Variants in ACYP2 observed in about 807,000 individuals in gnomAD.
ACYP2 encodes the protein acylphosphatase-2.
In ACYP2, 12 loss-of-function variants were observed where a neutral mutation model predicts 11.2. The ratio of observed to expected loss-of-function variants is 1.08; its 90% CI spans 0.69 to 1.74. ACYP2 has a LOEUF of 1.74. ACYP2 is among the 40% of genes most tolerant of loss of function. ACYP2 has a pLI of 0.00. For synonymous variants in ACYP2, 43 were observed against 32.2 expected, an observed-to-expected ratio of 1.33 and a Z score of -1.13; for missense variants, 134 against 101.9, an observed-to-expected ratio of 1.31 and a Z score of -1.35.
At chr2:54,051,132 C>T (rs565925135) in intron 3 of ACYP2, 2 of 676,766 alleles carry the variant, frequency 3.0e-6, no homozygotes, top group African/African-American at 3.6e-5. Context: ...CACTGAACTC[C>T]ATAGAGACAG....
At chr2:54,240,467 T>C (rs1310410207) in intron 6 of ACYP2, among the ~76,000 whole-genome samples, 1 of 152,182 alleles carries the variant, frequency 6.6e-6, no homozygotes, top group African/African-American at 2.4e-5. Flanking sequence ...TTCTCTACTT[T>C]AGAGGTGTTT....
intron 6 of ACYP2, among the ~76,000 whole-genome samples, chr2:54,257,971 A>G (rs1258026913): frequency 6.6e-6 from 1 of 152,222 alleles, no homozygotes; most frequent in Non-Finnish European, 1.5e-5. Context: ...CACATAATCC[A>G]TTTTTATATT....
intron 6 of ACYP2, among the ~76,000 whole-genome samples, chr2:54,243,609 C>T (rs1029148410): frequency 6.6e-6 from 1 of 152,124 alleles, no homozygotes; most frequent in Non-Finnish European, 1.5e-5. Context: ...ATTCTCCTGC[C>T]TCAGCCTCCT....
intron 6 of ACYP2, among the ~76,000 whole-genome samples, chr2:54,284,623 T>C (rs1175735838): frequency 6.6e-6 from 1 of 152,108 alleles, no homozygotes; most frequent in Non-Finnish European, 1.5e-5. Flanking sequence ...GGCACACAAA[T>C]ATGCTCTTGT....
At chr2:54,207,814 C>T (rs193017470) in intron 6 of ACYP2, among the ~76,000 whole-genome samples, 47 of 152,270 alleles carry the variant, frequency 3.1e-4, no homozygotes, top group African/African-American at 1.0e-3. Flanking sequence ...AGTCGGTCTT[C>T]TGCAATGGTA....
rs139455350 is a variant in ACYP2, at chr2:54,074,783, T to C, written c.277+17423T>C. 2.8e-3 allele frequency among the ~76,000 whole-genome samples: 425 copies of C among 152,326 alleles called. 1 individual carries two copies. Among genetic ancestry groups the C allele is most frequent in the Admixed American group, 6.8e-3 (104 of 15,296 alleles). ...GGCTAGAGATGCAGGGATGAGTCAA[T>C]GTTGCACTTGCGGTCTAAAGGCTGC... On this transcript the variant is annotated intron_variant, in intron 4 of 6. Coordinates refer to ENST00000607452, the MANE Select transcript of ACYP2 (RefSeq NM_001320586.2).
At chr2:54,038,173 G>A (rs1675011319) in intron 2 of ACYP2, among the ~76,000 whole-genome samples, 2 of 152,124 alleles carry the variant, frequency 1.3e-5, no homozygotes, top group Non-Finnish European at 1.5e-5. Flanking sequence ...ACCTCTGAGC[G>A]TCCTGATTCA....
At chr2:54,178,499 A>C (rs965876624) in intron 6 of ACYP2, among the ~76,000 whole-genome samples, 3 of 152,220 alleles carry the variant, frequency 2.0e-5, no homozygotes, top group African/African-American at 4.8e-5. Context: ...GCTATGCCCC[A>C]ATCCCACCAC....
chr2:54,277,029 A>G (rs566129384), intron 6 of ACYP2, among the ~76,000 whole-genome samples: 2 of 152,328 alleles, frequency 1.3e-5, no homozygotes, highest in African/African-American at 4.8e-5. Flanking sequence ...AAAAAATCCT[A>G]ATTATTAGAC....
chr2:54,276,869 C>T (rs888755385), intron 6 of ACYP2, among the ~76,000 whole-genome samples: 2 of 152,146 alleles, frequency 1.3e-5, no homozygotes, highest in Non-Finnish European at 2.9e-5. Flanking sequence ...ATGTTATTTT[C>T]TCACAAAAGT....
At chr2:54,175,833 C>A (rs750084163) in intron 6 of ACYP2, among the ~76,000 whole-genome samples, 1 of 152,144 alleles carries the variant, frequency 6.6e-6, no homozygotes, top group African/African-American at 2.4e-5. Flanking sequence ...ATGTTTGTAT[C>A]CCTCCAAAAT....
intron 6 of ACYP2, among the ~76,000 whole-genome samples, chr2:54,179,346 T>C (rs945004351): frequency 2.6e-5 from 4 of 152,198 alleles, no homozygotes; most frequent in African/African-American, 9.6e-5. Context: ...TCTGACACTA[T>C]CTACTTGGAG....
chr2:54,267,864 G>T (rs1019916638), intron 6 of ACYP2, among the ~76,000 whole-genome samples: 2 of 152,186 alleles, frequency 1.3e-5, no homozygotes, highest in South Asian at 4.1e-4. Flanking sequence ...ATCGGCTCTT[G>T]TTTCAGAATC....
intron 6 of ACYP2, among the ~76,000 whole-genome samples, chr2:54,189,002 T>C (rs773545483): frequency 9.2e-5 from 14 of 152,234 alleles, no homozygotes; most frequent in Non-Finnish European, 1.5e-4. Flanking sequence ...ATCATTCCCA[T>C]TGGCAAACAA....
intron 4 of ACYP2, among the ~76,000 whole-genome samples, chr2:54,112,199 T>C (rs1163329711): frequency 6.6e-6 from 1 of 152,214 alleles, no homozygotes; most frequent in African/African-American, 2.4e-5. Context: ...TGATCCTAGA[T>C]CACAAACCAA....
chr2:54,176,323 G>T (rs768734866), intron 6 of ACYP2, among the ~76,000 whole-genome samples: 4 of 152,106 alleles, frequency 2.6e-5, no homozygotes, highest in Non-Finnish European at 5.9e-5. Context: ...TTGCCAGAAT[G>T]TGAAGACAGG....
At chr2:54,302,779 G>C (rs535516547) in intron 6 of ACYP2, among the ~76,000 whole-genome samples, 1 of 152,066 alleles carries the variant, frequency 6.6e-6, no homozygotes, top group Admixed American at 6.5e-5. Context: ...TATCCAACTA[G>C]TTACTCACAC....
chr2:54,285,524 C>T (rs146672520), intron 6 of ACYP2, among the ~76,000 whole-genome samples: 1 of 152,290 alleles, frequency 6.6e-6, no homozygotes, highest in Non-Finnish European at 1.5e-5. Flanking sequence ...GTCTAAAAAG[C>T]ATCTCATGCT....
chr2:54,293,331 G>A (rs1334235317), intron 6 of ACYP2, among the ~76,000 whole-genome samples: 1 of 152,184 alleles, frequency 6.6e-6, no homozygotes, highest in Non-Finnish European at 1.5e-5. Flanking sequence ...GTGCGGCAAG[G>A]AAGTTACAGG....
Sources: allele counts gnomAD v4.1 joint callset (sites outside exome capture counted in the v4.1 genomes callset), GRCh38; gene constraint gnomAD v4.1.1; transcripts MANE v1.5; gene names NCBI Gene and HGNC (gene_info 2026-07-23, HGNC 2026-07-21).